The following PLCG2 variants were observed in gnomAD, a reference collection of about 807,000 sequenced individuals.
The protein encoded by PLCG2 is phospholipase C gamma 2.
Under a neutral mutation model 175.6 loss-of-function variants are expected in PLCG2, and 69 were observed. The ratio of observed to expected loss-of-function variants is 0.39; its 90% CI spans 0.32 to 0.48. The LOEUF is 0.48. PLCG2 is among the 20% of genes least tolerant of loss of function. PLCG2 has a pLI of 0.91. For missense variants in PLCG2, 1,798 were observed against 1,650.9 expected, an observed-to-expected ratio of 1.09 and a Z score of -1.54; for synonymous variants, 827 against 624.0, an observed-to-expected ratio of 1.33 and a Z score of -4.85.
intron 1 of PLCG2, among the ~76,000 whole-genome samples, chr16:81,785,453 C>G (rs543156823): frequency 9.2e-5 from 14 of 152,078 alleles, no homozygotes; most frequent in Non-Finnish European, 1.8e-4. Flanking sequence ...GCCAAAGTCT[C>G]CATGGATGAT....
intron 2 of PLCG2, among the ~76,000 whole-genome samples, chr16:81,833,867 C>T (rs149568326): frequency 5.2e-4 from 79 of 152,252 alleles, no homozygotes; most frequent in Non-Finnish European, 8.7e-4. Context: ...TCTTGCCTAA[C>T]GATTGCCTTT....
At chr16:81,884,484 G>T (rs549747527) in intron 9 of PLCG2, among the ~76,000 whole-genome samples, 33 of 152,104 alleles carry the variant, frequency 2.2e-4, no homozygotes, top group Non-Finnish European at 2.2e-4. Flanking sequence ...CATCTTACCA[G>T]CTGCACAGCC....
At chr16:81,749,734 G>C (rs986126967) in intron 1 of PLCG2, among the ~76,000 whole-genome samples, 1 of 152,208 alleles carries the variant, frequency 6.6e-6, no homozygotes, top group African/African-American at 2.4e-5. Context: ...TGGTGTTTCT[G>C]TCAAAATTGT....
intron 2 of PLCG2, among the ~76,000 whole-genome samples, chr16:81,790,044 A>G (rs1022069557): frequency 1.3e-5 from 2 of 151,714 alleles, no homozygotes; most frequent in South Asian, 2.1e-4. Flanking sequence ...AGTTACCTCC[A>G]CTCTCTGAAC....
intron 2 of PLCG2, among the ~76,000 whole-genome samples, chr16:81,852,570 G>C (rs760587246): frequency 1.3e-5 from 2 of 152,152 alleles, no homozygotes; most frequent in South Asian, 4.1e-4. Flanking sequence ...GAGTCAGTCA[G>C]GTTGCTATCC....
At chr16:81,947,032 T>C (rs184432738) in intron 31 of PLCG2, among the ~76,000 whole-genome samples, 69 of 152,272 alleles carry the variant, frequency 4.5e-4, no homozygotes, top group African/African-American at 1.6e-3. Context: ...CCGCAGACAC[T>C]TCACAGAAAA....
rs1414881038 is a variant in PLCG2 at position 81,961,661 on chromosome 16, C to A, written c.*3663C>A. The A allele has an allele frequency of 4.7e-6, 1 of 213,446 alleles. No homozygotes were observed. Among genetic ancestry groups the A allele is most frequent in the Non-Finnish European group, 9.5e-6 (1 of 105,806 alleles). The allele number at this position is 213,446 out of a possible 1,614,324, so 13.2% of individuals were successfully genotyped here. A position where few individuals can be genotyped will look rare whatever the true frequency, so the allele number is the denominator to read the frequency against. The stretch of plus-strand genomic sequence containing the variant: ...AAAAATTGCCTTGTTCCAGGTAAGA[C>A]TGATCATAAAAAAATGGCCCTGTTC... On this transcript the variant is annotated 3_prime_UTR_variant, in exon 33 of 33. Transcript: ENST00000564138.
chr16:81,878,677 C>T (rs1907933758), intron 7 of PLCG2, among the ~76,000 whole-genome samples: 1 of 152,182 alleles, frequency 6.6e-6, no homozygotes, highest in Middle Eastern at 3.2e-3. Flanking sequence ...CCATCACCTC[C>T]ATGTGTTGCG....
chr16:81,824,680 C>T (rs1904967784), intron 2 of PLCG2, among the ~76,000 whole-genome samples: 1 of 152,220 alleles, frequency 6.6e-6, no homozygotes, highest in South Asian at 2.1e-4. Flanking sequence ...GCCAGGATGG[C>T]TGGGATCCTC....
chr16:81,867,743 G>A (rs1035147860), intron 5 of PLCG2, among the ~76,000 whole-genome samples: 2 of 152,010 alleles, frequency 1.3e-5, no homozygotes, highest in Non-Finnish European at 1.5e-5. Flanking sequence ...TGTCACCCAG[G>A]CTGGAGTGCA....
In PLCG2 at chr16:81,961,604, G is replaced by C. The variant is rs572582766; in HGVS notation, c.*3606G>C. 104 of 215,954 alleles carry C rather than the reference G, an allele frequency of 4.8e-4. No individual in the cohort carries two copies. Among genetic ancestry groups the C allele is most frequent in the Non-Finnish European group, 7.3e-4 (78 of 107,324 alleles). 13.4% of individuals were successfully genotyped at this position (215,954 alleles called of 1,614,324 possible). On this transcript the variant is annotated 3_prime_UTR_variant, in exon 33 of 33. Transcript: ENST00000564138. ...TGGTATGAAAATACAAATTCAAGGA[G>C]TAAAAGGAAAAGTGGGGCATTCCTT... is the stretch of plus-strand genomic sequence containing the variant.
intron 2 of PLCG2, among the ~76,000 whole-genome samples, chr16:81,850,682 A>G (rs1179852616): frequency 6.6e-6 from 1 of 152,140 alleles, no homozygotes; most frequent in Non-Finnish European, 1.5e-5. Context: ...GTAGGCAGGG[A>G]GTGATATTTA....
At chr16:81,745,282 T>A (rs939027820) in intron 1 of PLCG2, among the ~76,000 whole-genome samples, 1 of 152,022 alleles carries the variant, frequency 6.6e-6, no homozygotes, top group Non-Finnish European at 1.5e-5. Flanking sequence ...CCATGAGAGG[T>A]AAGGAGAGTT....
At chr16:81,944,292 G>A (rs1911066124) in intron 30 of PLCG2, among the ~76,000 whole-genome samples, 1 of 152,100 alleles carries the variant, frequency 6.6e-6, no homozygotes. Flanking sequence ...CCAAGCTTGG[G>A]TTGAAAATAT....
intron 25 of PLCG2, among the ~76,000 whole-genome samples, chr16:81,934,001 G>T (rs1910609330): frequency 6.6e-6 from 1 of 152,190 alleles, no homozygotes; most frequent in African/African-American, 2.4e-5. Context: ...AGGTTTTGAG[G>T]GTGCAGGGGA....
At chr16:81,878,167 G>T (rs755035928) in intron 7 of PLCG2, among the ~76,000 whole-genome samples, 2 of 151,464 alleles carry the variant, frequency 1.3e-5, no homozygotes, top group Non-Finnish European at 2.9e-5. Context: ...TATTTTTTTA[G>T]TAGAGATGGG....
chr16:81,909,339 C>G (rs910403802), intron 17 of PLCG2, among the ~76,000 whole-genome samples: 1 of 152,148 alleles, frequency 6.6e-6, no homozygotes, highest in Admixed American at 6.5e-5. Context: ...GAGGAAGGCT[C>G]TGATGCCCTG....
At chr16:81,889,324 C>G (rs1282055766) in intron 10 of PLCG2, 51 bp downstream of exon 10, 3 of 952,966 alleles carry the variant, frequency 3.1e-6, no homozygotes, top group African/African-American at 1.6e-5. Flanking sequence ...TGATTGATGT[C>G]TGTGCTTTCT....
At chr16:81,754,492 C>T (rs1398682024) in intron 1 of PLCG2, among the ~76,000 whole-genome samples, 1 of 105,630 alleles carries the variant, frequency 9.5e-6, no homozygotes, top group Non-Finnish European at 1.9e-5. Context: ...CATTCCCCTC[C>T]TTTCCCATCT....
Sources: allele counts gnomAD v4.1 joint callset (sites outside exome capture counted in the v4.1 genomes callset), GRCh38; gene constraint gnomAD v4.1.1; transcripts MANE v1.5; gene names NCBI Gene and HGNC (gene_info 2026-07-23, HGNC 2026-07-21).